The following RBFOX1 variants were observed in gnomAD, a reference collection of about 807,000 sequenced individuals.
RBFOX1 encodes RNA binding protein fox-1 homolog 1.
Under a neutral mutation model 57.7 loss-of-function variants are expected in RBFOX1, and 8 were observed. That is an observed-to-expected ratio of 0.14 (90% confidence interval 0.08 to 0.25). RBFOX1 has a LOEUF of 0.25. RBFOX1 is among the 10% of genes least tolerant of loss of function. The pLI, the probability that RBFOX1 is intolerant of heterozygous loss-of-function variation, is 1.00. For synonymous variants in RBFOX1, 326 were observed against 222.4 expected, an observed-to-expected ratio of 1.47 and a Z score of -4.15; for missense variants, 611 against 548.5, an observed-to-expected ratio of 1.11 and a Z score of -1.14.
intron 4 of RBFOX1, among the ~76,000 whole-genome samples, chr16:7,359,646 G>T (rs532804826): frequency 6.6e-6 from 1 of 152,116 alleles, no homozygotes; most frequent in Non-Finnish European, 1.5e-5. Context: ...TCTACAGCAC[G>T]TCTCTCCATC....
intron 14 of RBFOX1, among the ~76,000 whole-genome samples, chr16:7,680,237 T>C (rs747075163): frequency 3.9e-5 from 6 of 152,172 alleles, no homozygotes; most frequent in Non-Finnish European, 7.3e-5. Flanking sequence ...TATGACTTGG[T>C]TGTTGTTGCA....
intron 2 of RBFOX1, among the ~76,000 whole-genome samples, chr16:6,396,117 G>A (rs1314960013): frequency 6.7e-6 from 1 of 148,996 alleles, no homozygotes; most frequent in Non-Finnish European, 1.5e-5. Context: ...TCTTATGGCA[G>A]TAACAGAGTA....
rs1567217775 is a variant in RBFOX1 at position 5,548,177 on chromosome 16, AT to A, written c.259-50724del. On this transcript the variant is annotated intron_variant, in intron 2 of 2. Coordinates refer to the RBFOX1 transcript ENST00000585867. The stretch of plus-strand genomic sequence containing the variant: ...CTCTGTTAAAAAAAAAAAAAAAAAT[AT>A]ATATATATATATATATATATATATA... 3.6e-3 allele frequency among the ~76,000 whole-genome samples: 147 copies of A among 40,832 alleles called. 2 individuals carry two copies. Among genetic ancestry groups the A allele is most frequent in the African/African-American group, 0.01 (142 of 13,882 alleles). The allele number at this position is 40,832 out of a possible 152,430, so 26.8% of individuals were successfully genotyped here. A position where few individuals can be genotyped will look rare whatever the true frequency, so the allele number is the denominator to read the frequency against.
rs569212402 is a variant in RBFOX1 at position 6,942,262 on chromosome 16, C to A, written c.-15-109795C>A. Among the ~76,000 whole-genome samples the A allele has an allele frequency of 1.9e-4, 29 of 152,080 alleles. 1 individual carries two copies. The highest frequency in any genetic ancestry group is 4.6e-4 in the Admixed American group (7 of 15,268). On this transcript the variant is annotated intron_variant, in intron 3 of 15. Transcript: ENST00000550418. ...ACCACTGCACTTCAGCCTGACTGAC[C>A]GAGTGAGACTCCATCTCACAAACAA...
intron 3 of RBFOX1, among the ~76,000 whole-genome samples, chr16:6,962,486 C>T (rs73547764): frequency 6.7e-4 from 102 of 152,228 alleles, no homozygotes; most frequent in African/African-American, 1.7e-3. Flanking sequence ...TTAATATAGC[C>T]GCAGTGTGTC....
intron 1 of RBFOX1, among the ~76,000 whole-genome samples, chr16:5,362,967 A>G (rs919860693): frequency 1.0e-4 from 15 of 147,410 alleles, no homozygotes; most frequent in Admixed American, 8.7e-4. Context: ...AACCTTGGCT[A>G]TTGTGTATAA....
chr16:5,635,667 A>G (rs1351574907), intron 3 of RBFOX1, among the ~76,000 whole-genome samples: 1 of 152,218 alleles, frequency 6.6e-6, no homozygotes. Flanking sequence ...TCTCTATGCC[A>G]AAAGTTGAGA....
rs1005144694 is a variant in RBFOX1, at chr16:5,397,744, A to G, written c.220-69472A>G. On this transcript the variant is annotated intron_variant, in intron 1 of 2. Transcript: ENST00000585867. ...TCACACATGATAAGACCATTAAAAGATATTCTGGAGACCTGAAGTCAATGA... is the reference window on the plus strand; with the variant it reads ...TCACACATGATAAGACCATTAAAAGGTATTCTGGAGACCTGAAGTCAATGA... Among the ~76,000 whole-genome samples the G allele has an allele frequency of 6.6e-5, 10 of 152,308 alleles. No homozygotes were observed. In the East Asian group the frequency reaches 1.4e-3, roughly 21 times the overall value.
intron 3 of RBFOX1, among the ~76,000 whole-genome samples, chr16:6,800,953 A>G (rs2154257330): frequency 1.3e-5 from 2 of 152,220 alleles, no homozygotes; most frequent in Middle Eastern, 6.8e-3. Flanking sequence ...AGTATCTCTC[A>G]AGGGTATCTG....
intron 1 of RBFOX1, among the ~76,000 whole-genome samples, chr16:6,175,769 T>C (rs1375504098): frequency 2.0e-5 from 3 of 152,140 alleles, no homozygotes; most frequent in African/African-American, 7.2e-5. Flanking sequence ...GGACTGCACT[T>C]TGAGTAGCCA....
chr16:6,920,162 C>T (rs1397410298), intron 3 of RBFOX1, among the ~76,000 whole-genome samples: 2 of 152,102 alleles, frequency 1.3e-5, no homozygotes, highest in Non-Finnish European at 2.9e-5. Flanking sequence ...GGTGTATTTT[C>T]TTTATCCACT....
chr16:5,856,575 G>GTGTATATATATA lies in RBFOX1; in HGVS notation c.319-10727_319-10726insGTATATATATAT, dbSNP rs1192496608. Among the ~76,000 whole-genome samples the GTGTATATATATA allele has an allele frequency of 1.9e-3, 62 of 32,918 alleles. 1 individual carries two copies. The highest frequency in any genetic ancestry group is 2.1e-3 in the Non-Finnish European group (36 of 17,406). 21.6% of individuals were successfully genotyped at this position (32,918 alleles called of 152,430 possible). A position where few individuals can be genotyped will look rare whatever the true frequency, so the allele number is the denominator to read the frequency against. On this transcript the variant is annotated intron_variant, in intron 3 of 19. Coordinates refer to the RBFOX1 transcript ENST00000641259. ...TGTGTGTGTGTGTATGTGTGTGTGT[G>GTGTATATATATA]TATATATATATATATATATATATAT...
intron 3 of RBFOX1, among the ~76,000 whole-genome samples, chr16:5,656,883 G>C (rs1395812033): frequency 6.6e-6 from 1 of 152,150 alleles, no homozygotes; most frequent in Non-Finnish European, 1.5e-5. Flanking sequence ...GTTGAACAAT[G>C]AGAAAATATG....
intron 2 of RBFOX1, among the ~76,000 whole-genome samples, chr16:6,551,786 G>C (rs974598715): frequency 3.3e-5 from 5 of 152,320 alleles, no homozygotes; most frequent in Non-Finnish European, 4.4e-5. Context: ...TTCCAACCGG[G>C]ACGTCAGAGC....
At chr16:5,934,118 T>C (rs745992299) in intron 4 of RBFOX1, among the ~76,000 whole-genome samples, 7 of 152,172 alleles carry the variant, frequency 4.6e-5, no homozygotes, top group Non-Finnish European at 1.0e-4. Flanking sequence ...CACAAGGTGG[T>C]TTTATGTGGA....
At chr16:6,632,369 AAC>A (rs1464785813) in intron 2 of RBFOX1, among the ~76,000 whole-genome samples, 1 of 152,088 alleles carries the variant, frequency 6.6e-6, no homozygotes. Flanking sequence ...TTGTTGGAGA[AAC>A]AAAAGGACCT....
intron 3 of RBFOX1, among the ~76,000 whole-genome samples, chr16:6,849,794 T>A (rs555468347): frequency 6.6e-6 from 1 of 152,330 alleles, no homozygotes; most frequent in East Asian, 1.9e-4. Flanking sequence ...GAAGCCACCT[T>A]GATTTCTACC....
At chr16:7,176,069 C>G (rs988060915) in intron 4 of RBFOX1, among the ~76,000 whole-genome samples, 1 of 151,780 alleles carries the variant, frequency 6.6e-6, no homozygotes, top group Admixed American at 6.6e-5. Flanking sequence ...ATAGCAGTCT[C>G]CACTCACAGA....
chr16:6,068,275 G>A (rs1477367658), intron 1 of RBFOX1, among the ~76,000 whole-genome samples: 1 of 152,124 alleles, frequency 6.6e-6, no homozygotes, highest in Admixed American at 6.6e-5. Flanking sequence ...GCCTTACTTT[G>A]TTTTCAGGAA....
Sources: allele counts gnomAD v4.1 joint callset (sites outside exome capture counted in the v4.1 genomes callset), GRCh38; gene constraint gnomAD v4.1.1; transcripts MANE v1.5; gene names NCBI Gene and HGNC (gene_info 2026-07-23, HGNC 2026-07-21).